CFAP46: variants seen among roughly 807,000 people sequenced by gnomAD.
CFAP46 encodes cilia and flagella associated protein 46.
In CFAP46, 245 loss-of-function variants were observed where a neutral mutation model predicts 325.7. The ratio of observed to expected loss-of-function variants is 0.75; its 90% CI spans 0.68 to 0.84. The LOEUF is 0.84. Among genes scored for constraint, CFAP46 ranks in the 40% least tolerant of loss-of-function variants. The probability of loss-of-function intolerance (pLI) is 0.00; values close to 1 mark genes in which losing one functional copy is unlikely to be tolerated. For synonymous variants in CFAP46, 1,523 were observed against 1,495.9 expected, an observed-to-expected ratio of 1.02 and a Z score of -0.42; for missense variants, 3,346 against 3,543.0, an observed-to-expected ratio of 0.94 and a Z score of 1.41.
intron 24 of CFAP46, among the ~76,000 whole-genome samples, chr10:132,895,937 T>C (rs1281476400): frequency 1.1e-5 from 1 of 89,508 alleles, no homozygotes; most frequent in African/African-American, 6.5e-5. Flanking sequence ...CCAGGCTCTG[T>C]GTGCCATGAG....
chr10:132,937,945 G>A (rs955104197), intron 5 of CFAP46, among the ~76,000 whole-genome samples: 3 of 152,220 alleles, frequency 2.0e-5, no homozygotes, highest in Non-Finnish European at 2.9e-5. Context: ...CATATGGCAA[G>A]TAACCAACAC....
At chr10:132,917,364 C>T (rs546762638) in intron 16 of CFAP46, among the ~76,000 whole-genome samples, 15 of 152,364 alleles carry the variant, frequency 9.8e-5, no homozygotes, top group Admixed American at 7.8e-4. Context: ...GTTGGTGCAG[C>T]GCGGTGGCTG....
At chr10:132,849,775 C>T (rs1341113369) in intron 41 of CFAP46, among the ~76,000 whole-genome samples, 1 of 152,176 alleles carries the variant, frequency 6.6e-6, no homozygotes, top group East Asian at 1.9e-4. Context: ...GCCAAGGCTG[C>T]CTAGGGCTGG....
At chr10:132,872,487 G>A in intron 32 of CFAP46, 189 bp downstream of exon 32, 1 of 692,068 alleles carries the variant, frequency 1.4e-6, no homozygotes, top group Non-Finnish European at 2.4e-6. Context: ...TCAAACTCCT[G>A]GGATCAAATA....
Position 132,926,669 on chromosome 10 carries a change from G to A in CFAP46, c.967-3C>T, listed in dbSNP as rs1849816266. On this transcript the variant is annotated splice_region_variant and splice_polypyrimidine_tract_variant and intron_variant, in intron 9 of 57. Transcript: ENST00000368586. ...ATTTCAATAAGCTTCCCAGGATCCT[G>A]CAGATATAAACAGTTTTTGAAAAGA... The A allele has an allele frequency of 9.1e-6, 14 of 1,533,976 alleles. No homozygotes were observed. The East Asian group carries it at 3.2e-4, about 35-fold the overall frequency.
In CFAP46 at chr10:132,940,999, G is replaced by A. The variant is rs147692882; in HGVS notation, c.368C>T (p.Pro123Leu). 24 of 1,613,972 alleles carry A rather than the reference G, an allele frequency of 1.5e-5. No homozygotes were observed. Among genetic ancestry groups the A allele is most frequent in the African/African-American group, 2.7e-5 (2 of 74,916 alleles). The change falls in exon 4 of 58, where the codon CCG (proline) becomes CTG (leucine). Residue 123 changes from proline (P) to leucine (L), a missense_variant. Physicochemically the swap from Pro to Leu is moderately conservative, Grantham distance 98. Transcript: ENST00000368586. ...CGGCCACTTCAATTTTGCCTACCTC[G>A]GTTCTCCTTTGGCAAAGTTTATGGC... ...MKAINFAKGEPRYYFLVYNAS... is the reference protein window; with the variant it reads ...MKAINFAKGELRYYFLVYNAS...
chr10:132,815,172 C>A (rs2387071), intron 50 of CFAP46, among the ~76,000 whole-genome samples: 144,558 of 152,334 alleles, frequency 0.95, 68,637 homozygotes, highest in African/African-American at 0.99. Context: ...GACCATTCAC[C>A]CACCCCACTG....
chr10:132,887,699 TCCTCTC>T (rs1849177371), intron 25 of CFAP46, among the ~76,000 whole-genome samples: 1 of 117,098 alleles, frequency 8.5e-6, no homozygotes, highest in East Asian at 3.1e-4. Flanking sequence ...CTCTCTCCTC[TCCTCTC>T]TCTCTCCGCT....
At chr10:132,938,383 C>T (rs765231416) in intron 5 of CFAP46, among the ~76,000 whole-genome samples, 2 of 152,198 alleles carry the variant, frequency 1.3e-5, no homozygotes, top group Admixed American at 6.5e-5. Context: ...AACCTCATAA[C>T]CAGGGCACGG....
At chr10:132,887,975 CCTCT>C (rs1325715746) in intron 25 of CFAP46, among the ~76,000 whole-genome samples, 1 of 103,428 alleles carries the variant, frequency 9.7e-6, no homozygotes, top group Non-Finnish European at 1.8e-5. Flanking sequence ...TCTCTCCGCT[CCTCT>C]CTCTCTCCTC....
chr10:132,883,733 G>A (rs1849080755), intron 27 of CFAP46, among the ~76,000 whole-genome samples: 1 of 152,254 alleles, frequency 6.6e-6, no homozygotes, highest in Non-Finnish European at 1.5e-5. Context: ...TCTGTGGACT[G>A]TAAGACACAT....
At chr10:132,843,510 C>G (rs1387069644) in intron 44 of CFAP46, among the ~76,000 whole-genome samples, 5 of 120,906 alleles carry the variant, frequency 4.1e-5, no homozygotes, top group Non-Finnish European at 8.1e-5. Context: ...AGGGCTGCTG[C>G]TGGTGGGCGT....
chr10:132,820,965 C>T (rs1380573636), intron 50 of CFAP46, among the ~76,000 whole-genome samples: 2 of 75,694 alleles, frequency 2.6e-5, no homozygotes, highest in African/African-American at 1.1e-4. Flanking sequence ...CTGATGTGTG[C>T]TGTGTGTGTG....
chr10:132,879,706 G>T, intron 28 of CFAP46, 75 bp from the exon 29 acceptor site: 2 of 1,392,940 alleles, frequency 1.4e-6, no homozygotes, highest in Non-Finnish European at 1.9e-6. Flanking sequence ...TCCCTTCCCT[G>T]CCCGAGGCTG....
chr10:132,896,971 C>T (rs1285219241), intron 24 of CFAP46, among the ~76,000 whole-genome samples: 2 of 152,160 alleles, frequency 1.3e-5, no homozygotes, highest in Non-Finnish European at 2.9e-5. Flanking sequence ...CATTTCTGGT[C>T]AAATTATTTT....
At chr10:132,822,468 G>A (rs1342124532) in intron 50 of CFAP46, among the ~76,000 whole-genome samples, 15 of 141,738 alleles carry the variant, frequency 1.1e-4, no homozygotes, top group Middle Eastern at 4.4e-3. Context: ...TGTGAGTGCT[G>A]ATGTGTGCTG....
chr10:132,846,262 G>T lies in CFAP46; in HGVS notation c.6268-35C>A, dbSNP rs12260141. On this transcript the variant is annotated intron_variant, in intron 43 of 57. Coordinates refer to ENST00000368586, the MANE Select transcript of CFAP46 (RefSeq NM_001200049.3). ...AGCAGGGGAGGTGTACCAGGGGCCC[G>T]AGGCCTGGGCGGGGAGGCCTTGCAC... 11 of 1,601,272 alleles carry T rather than the reference G, an allele frequency of 6.9e-6. 1 individual carries two copies. The highest frequency in any genetic ancestry group is 2.0e-4 in the Middle Eastern group (1 of 5,116).
rs761018857 is a variant in CFAP46, at chr10:132,886,814, C to T, written c.3305-855G>A. 6.6e-5 allele frequency among the ~76,000 whole-genome samples: 10 copies of T among 152,050 alleles called. No individual in the cohort carries two copies. The highest frequency in any genetic ancestry group is 2.1e-4 in the South Asian group (1 of 4,824). On this transcript the variant is annotated intron_variant, in intron 25 of 57. Transcript: ENST00000368586. The surrounding 1 kb of genome is among the most constrained non-coding windows in gnomAD (Gnocchi z 5.8). ...CACCTCGGGAAGGGGTGCTGAGTGG[C>T]GGGTCTGTGCCTTGTTGCTGCCCCC...
intron 44 of CFAP46, among the ~76,000 whole-genome samples, chr10:132,841,906 T>C (rs1373390750): frequency 2.0e-5 from 3 of 152,184 alleles, no homozygotes. Flanking sequence ...AGGCTTGCAA[T>C]GGGAGGGCAG....
Sources: allele counts gnomAD v4.1 joint callset (sites outside exome capture counted in the v4.1 genomes callset), GRCh38; gene constraint gnomAD v4.1.1; non-coding constraint Gnocchi (gnomAD v3.1); transcripts MANE v1.5; gene names NCBI Gene and HGNC (gene_info 2026-07-23, HGNC 2026-07-21).